The following ZNF831 variants were observed in gnomAD, a reference collection of about 807,000 sequenced individuals.
ZNF831 encodes the protein zinc finger protein 831.
Under a neutral mutation model 95.8 loss-of-function variants are expected in ZNF831, and 59 were observed. The observed-to-expected ratio is 0.62, with a 90% confidence interval of 0.50 to 0.77. The LOEUF is 0.77. ZNF831 is among the 30% of genes least tolerant of loss of function. ZNF831 has a pLI of 0.00. For synonymous variants in ZNF831, 961 were observed against 925.5 expected (o/e 1.04, Z -0.70); for missense variants, 2,205 against 2,164.0 (o/e 1.02, Z -0.38).
At chr20:59,133,800 G>A (rs562309333) in intron 1 of ZNF831, among the ~76,000 whole-genome samples, 22 of 152,326 alleles carry the variant, frequency 1.4e-4, no homozygotes, top group Admixed American at 1.1e-3. Context: ...GAGCCCTGGA[G>A]CAAGAGTGCA....
intron 1 of ZNF831, among the ~76,000 whole-genome samples, 164 bp from the exon 2 acceptor site, chr20:59,190,820 C>T (rs1794863790): frequency 6.6e-6 from 1 of 152,236 alleles, no homozygotes; most frequent in Non-Finnish European, 1.5e-5. Context: ...TCAGCTTTCC[C>T]TTTTGGATGA....
chr20:59,190,908 G>C, intron 1 of ZNF831, 76 bp from the exon 2 acceptor site: 3 of 1,281,172 alleles, frequency 2.3e-6, no homozygotes, highest in Non-Finnish European at 3.1e-6. Context: ...TGAAGTGCTT[G>C]GTGCAGGGTA....
Position 59,192,598 on chromosome 20 carries a change from T to C in ZNF831, c.1579T>C (p.Ser527Pro). 6.6e-7 allele frequency: 1 copy of C among 1,508,018 alleles called. No homozygotes were observed. The allele number at this position is 1,508,018 out of a possible 1,614,324, so 93.4% of individuals were successfully genotyped here. Residue 527 changes from serine to proline, a missense_variant, in exon 2 of 6, where the codon TCC becomes CCC. By Grantham distance (74) the Ser-to-Pro change is moderately conservative. Coordinates refer to ENST00000371030, the MANE Select transcript of ZNF831 (RefSeq NM_178457.3). This position sits in a 1 kb window ranked among gnomAD's most constrained non-coding sequence, Gnocchi z 5.2. ...LEPREPRDPW[S>P]RTQKPLSPRP... ...GCCCAGGGAGCCCCGGGACCCCTGG[T>C]CCAGGACGCAGAAGCCTCTGAGCCC...
intron 4 of ZNF831, among the ~76,000 whole-genome samples, chr20:59,215,243 T>C (rs1407954472): frequency 6.6e-6 from 1 of 152,224 alleles, no homozygotes; most frequent in Admixed American, 6.5e-5. Context: ...CTGGGCACAT[T>C]GGAAGTCGTG....
intron 2 of ZNF831, among the ~76,000 whole-genome samples, chr20:59,156,877 T>C (rs11907851): frequency 0.024 from 3,725 of 152,334 alleles, 121 homozygotes; most frequent in African/African-American, 0.081. Context: ...ACTAAATATT[T>C]TTTTAAAAAG....
chr20:59,158,724 A>AT (rs1021166436), intron 2 of ZNF831, among the ~76,000 whole-genome samples: 9 of 152,100 alleles, frequency 5.9e-5, no homozygotes, highest in Non-Finnish European at 8.8e-5. Context: ...TACCTCATTT[A>AT]TTTGACATTA....
Position 59,138,374 on chromosome 20 carries a change from G to A in ZNF831, c.-1424-7857G>A, listed in dbSNP as rs549450832. 3.9e-5 allele frequency among the ~76,000 whole-genome samples: 6 copies of A among 152,152 alleles called. No homozygotes were observed. In the South Asian group the frequency reaches 1.2e-3, roughly 32 times the overall value. The stretch of plus-strand genomic sequence containing the variant: ...CTCCTCACTTTCAGGGTGCTGAGTG[G>A]CTCCCCATGTTTTATGGTGCTGTCT... On this transcript the variant is annotated intron_variant, in intron 1 of 7. Coordinates refer to the ZNF831 transcript ENST00000637017.
chr20:59,171,264 C>G (rs1255006192), intron 1 of ZNF831, among the ~76,000 whole-genome samples: 1 of 152,240 alleles, frequency 6.6e-6, no homozygotes, highest in Admixed American at 6.5e-5. Flanking sequence ...CCAACATCCT[C>G]TGTTGGAAAA....
intron 4 of ZNF831, among the ~76,000 whole-genome samples, chr20:59,211,065 A>AAAC (rs753979009): frequency 5.2e-5 from 4 of 77,580 alleles, no homozygotes; most frequent in Non-Finnish European, 9.4e-5. Context: ...AAAAAAAAAA[A>AAAC]CAAATCCAAG....
At chr20:59,216,663 C>T (rs1985700170) in intron 4 of ZNF831, among the ~76,000 whole-genome samples, 1 of 151,968 alleles carries the variant, frequency 6.6e-6, no homozygotes, top group Non-Finnish European at 1.5e-5. Flanking sequence ...TGGGGGCTCA[C>T]AGGATGGAAT....
intron 4 of ZNF831, among the ~76,000 whole-genome samples, chr20:59,245,179 C>T (rs1987529595): frequency 6.6e-6 from 1 of 152,208 alleles, no homozygotes; most frequent in Non-Finnish European, 1.5e-5. Context: ...ACCAAGCGGC[C>T]TCTCATTCAA....
chr20:59,228,625 CAG>C (rs1986558141), intron 4 of ZNF831, among the ~76,000 whole-genome samples: 1 of 152,036 alleles, frequency 6.6e-6, no homozygotes, highest in Admixed American at 6.5e-5. Context: ...GGCATGGTGA[CAG>C]AGAGAGGAGA....
Position 59,193,975 on chromosome 20 carries a change from A to G in ZNF831, c.2956A>G (p.Thr986Ala), listed in dbSNP as rs1209077810. ...ATCATTTGTTGGGTCAGGACTGGGGACCCCTCTTTCTCCCAGCCCAGCCTC... is the reference window on the plus strand; with the variant it reads ...ATCATTTGTTGGGTCAGGACTGGGGGCCCCTCTTTCTCCCAGCCCAGCCTC... ...RASFVGSGLG[T>A]PLSPSPASGP... The change falls in exon 2 of 6, where the codon ACC becomes GCC. Residue 986 changes from threonine (T) to alanine (A), a missense_variant. Coordinates refer to ENST00000371030, the MANE Select transcript of ZNF831 (RefSeq NM_178457.3). 6.5e-7 allele frequency: 1 copy of G among 1,539,380 alleles called. No homozygotes were observed. The highest frequency in any genetic ancestry group is 8.7e-7 in the Non-Finnish European group (1 of 1,144,276).
At chr20:59,132,847 C>T (rs1398507741) in intron 1 of ZNF831, among the ~76,000 whole-genome samples, 3 of 152,260 alleles carry the variant, frequency 2.0e-5, no homozygotes, top group Non-Finnish European at 2.9e-5. Context: ...GTGCCAAGAG[C>T]CAGCTGGGCT....
chr20:59,163,771 C>T (rs1310465562), upstream of ZNF831, among the ~76,000 whole-genome samples: 7 of 150,886 alleles, frequency 4.6e-5, no homozygotes, highest in South Asian at 2.1e-4. Context: ...GGGTTGCTAC[C>T]GTGACGTTAG....
intron 4 of ZNF831, among the ~76,000 whole-genome samples, chr20:59,232,091 G>A (rs1986755238): frequency 6.6e-6 from 1 of 152,132 alleles, no homozygotes; most frequent in South Asian, 2.1e-4. Context: ...TGTATGTAAC[G>A]AGAGAAGAGA....
At position 59,254,791 on chromosome 20, in the gene ZNF831, C is replaced by A. The variant is rs750074985; in HGVS notation, c.*48C>A. On this transcript the variant is annotated 3_prime_UTR_variant, in exon 6 of 6. Coordinates refer to ENST00000371030, the MANE Select transcript of ZNF831 (RefSeq NM_178457.3). The surrounding 1 kb of genome is among the most constrained non-coding windows in gnomAD (Gnocchi z 4.5). ...CTGGTCAAAAAGACTGTTGACGCTT[C>A]ACAAGTAAATGTTGTCAGGCTGGCG... The A allele has an allele frequency of 1.9e-6, 3 of 1,552,604 alleles. No homozygotes were observed. The highest frequency in any genetic ancestry group is 2.6e-6 in the Non-Finnish European group (3 of 1,155,302).
intron 1 of ZNF831, among the ~76,000 whole-genome samples, chr20:59,177,259 C>T (rs1376431041): frequency 3.3e-5 from 5 of 152,226 alleles, no homozygotes; most frequent in African/African-American, 1.2e-4. Context: ...ATTAGGTACC[C>T]AGACATTGTT....
chr20:59,211,830 T>C (rs1301964114), intron 4 of ZNF831, among the ~76,000 whole-genome samples: 1 of 150,016 alleles, frequency 6.7e-6, no homozygotes, highest in Non-Finnish European at 1.5e-5. Context: ...TGTGCCTGTG[T>C]TTTTTTCTTT....
Sources: allele counts gnomAD v4.1 joint callset (sites outside exome capture counted in the v4.1 genomes callset), GRCh38; gene constraint gnomAD v4.1.1; non-coding constraint Gnocchi (gnomAD v3.1); transcripts MANE v1.5; gene names NCBI Gene and HGNC (gene_info 2026-07-23, HGNC 2026-07-21).